Variants in CSMD1 observed in about 807,000 individuals in gnomAD.
CSMD1 encodes CUB and Sushi multiple domains 1, also known as CUB and sushi domain-containing protein 1.
A neutral mutation model predicts 417.5 loss-of-function variants in CSMD1; 213 were observed. That is an observed-to-expected ratio of 0.51 (90% CI 0.46 to 0.57). CSMD1 has a LOEUF of 0.57. CSMD1 is among the 20% of genes least tolerant of loss of function. CSMD1 has a pLI of 0.00. For synonymous variants in CSMD1, 2,862 were observed against 1,736.8 expected (o/e 1.65, Z -16.11); for missense variants, 6,923 against 4,529.7 (o/e 1.53, Z -15.17).
chr8:4,299,965 G>C (rs1585186369), intron 3 of CSMD1, among the ~76,000 whole-genome samples: 1 of 152,088 alleles, frequency 6.6e-6, no homozygotes, highest in Non-Finnish European at 1.5e-5. Context: ...ACTATTTGTT[G>C]ATAATAGCTA....
chr8:4,285,897 G>C (rs1027234980), intron 3 of CSMD1, among the ~76,000 whole-genome samples: 2 of 152,098 alleles, frequency 1.3e-5, no homozygotes, highest in African/African-American at 2.4e-5. Flanking sequence ...TAATCCAACT[G>C]AAGTATTTTA....
intron 3 of CSMD1, among the ~76,000 whole-genome samples, chr8:4,172,617 A>T (rs924493287): frequency 2.0e-4 from 31 of 152,086 alleles, no homozygotes; most frequent in African/African-American, 7.5e-4. Flanking sequence ...CATGGAACCC[A>T]CCCTCCTGGT....
intron 12 of CSMD1, among the ~76,000 whole-genome samples, chr8:3,435,260 T>C (rs1006313348): frequency 6.6e-6 from 1 of 152,156 alleles, no homozygotes; most frequent in Non-Finnish European, 1.5e-5. Flanking sequence ...ACAGTTAATA[T>C]GTGTTTTCAC....
At chr8:4,203,385 A>T (rs1261662046) in intron 3 of CSMD1, among the ~76,000 whole-genome samples, 1 of 152,260 alleles carries the variant, frequency 6.6e-6, no homozygotes, top group Admixed American at 6.5e-5. Context: ...ATGAGGTGAG[A>T]TCTTTGTGGT....
chr8:3,804,503 T>C (rs1800623464), intron 5 of CSMD1, among the ~76,000 whole-genome samples: 1 of 152,284 alleles, frequency 6.6e-6, no homozygotes, highest in African/African-American at 2.4e-5. Flanking sequence ...TTTATTAATT[T>C]TAATAGCTAT....
At chr8:4,690,728 G>C (rs575097673) in intron 1 of CSMD1, among the ~76,000 whole-genome samples, 37 of 152,102 alleles carry the variant, frequency 2.4e-4, no homozygotes, top group Non-Finnish European at 4.9e-4. Flanking sequence ...CTGAAATCTT[G>C]ATATTATTAT....
chr8:4,361,487 C>G (rs13270354), intron 3 of CSMD1, among the ~76,000 whole-genome samples: 1 of 151,822 alleles, frequency 6.6e-6, no homozygotes, highest in African/African-American at 2.4e-5. Context: ...TGCATTTCCA[C>G]TTTACAGATT....
At chr8:4,535,282 G>A (rs1463482665) in intron 2 of CSMD1, among the ~76,000 whole-genome samples, 1 of 152,010 alleles carries the variant, frequency 6.6e-6, no homozygotes, top group Non-Finnish European at 1.5e-5. Flanking sequence ...CAAAATCACA[G>A]GGGGAAGTCA....
chr8:4,962,319 T>TC (rs1809553649), intron 1 of CSMD1, among the ~76,000 whole-genome samples: 1 of 152,036 alleles, frequency 6.6e-6, no homozygotes, highest in Non-Finnish European at 1.5e-5. Flanking sequence ...CAAAAGAGCT[T>TC]CCCATCTTTG....
intron 4 of CSMD1, among the ~76,000 whole-genome samples, chr8:4,022,098 T>C (rs189472966): frequency 0.02 from 2,911 of 143,620 alleles, 51 homozygotes; most frequent in Non-Finnish European, 0.027. Context: ...CACACACACA[T>C]ATATATATGA....
Position 2,937,891 on chromosome 8 carries a change from T to C in CSMD1, c.*694A>G, listed in dbSNP as rs1585023572. ...GTATAAACCCTGTGTAAATAATTTA[T>C]TTTTTTTATCAGAATCTTAGTCATT... On this transcript the variant is annotated 3_prime_UTR_variant, in exon 70 of 70. Coordinates refer to ENST00000635120, the MANE Select transcript of CSMD1 (RefSeq NM_033225.6). 5 of 73,182 alleles carry C rather than the reference T, an allele frequency of 6.8e-5. No individual in the cohort carries two copies. The South Asian group carries it at 3.1e-3, about 45-fold the overall frequency. The allele number at this position is 73,182 out of a possible 1,614,324, so 4.5% of individuals were successfully genotyped here.
intron 5 of CSMD1, among the ~76,000 whole-genome samples, chr8:3,840,368 A>G (rs1290370223): frequency 1.3e-5 from 2 of 152,182 alleles, no homozygotes; most frequent in East Asian, 3.9e-4. Flanking sequence ...GTGCACAAAT[A>G]TGCTGAGGGA....
intron 11 of CSMD1, among the ~76,000 whole-genome samples, chr8:3,470,403 A>G (rs530940488): frequency 5.3e-5 from 8 of 152,336 alleles, no homozygotes; most frequent in South Asian, 2.1e-4. Context: ...AAAATAATAT[A>G]AAGAGATTAC....
chr8:4,690,058 A>T (rs1806668226), intron 1 of CSMD1, among the ~76,000 whole-genome samples: 2 of 152,242 alleles, frequency 1.3e-5, no homozygotes, highest in South Asian at 4.1e-4. Context: ...AGCATTGGTA[A>T]CATTATACGG....
At chr8:3,760,283 G>C (rs1257148291) in intron 5 of CSMD1, among the ~76,000 whole-genome samples, 7 of 152,054 alleles carry the variant, frequency 4.6e-5, no homozygotes, top group Admixed American at 3.9e-4. Flanking sequence ...TTTCCCCTAA[G>C]AATACCAAAT....
intron 37 of CSMD1, among the ~76,000 whole-genome samples, chr8:3,163,861 G>A (rs1053575812): frequency 6.6e-6 from 1 of 152,280 alleles, no homozygotes; most frequent in African/African-American, 2.4e-5. Context: ...GGCTCCTTGT[G>A]TCTGATATTA....
chr8:3,834,394 T>C (rs942977719), intron 5 of CSMD1, among the ~76,000 whole-genome samples: 2 of 152,062 alleles, frequency 1.3e-5, no homozygotes, highest in Non-Finnish European at 2.9e-5. Flanking sequence ...CAATTGTGCC[T>C]GCACAGTAAA....
intron 11 of CSMD1, 36 bp from the exon 12 acceptor site, chr8:3,468,860 G>C (rs376290454): frequency 4.9e-5 from 68 of 1,399,788 alleles, no homozygotes; most frequent in African/African-American, 1.3e-4. Flanking sequence ...TTTTAGGTAA[G>C]GCAACAAGTA....
chr8:3,421,917 CGTG>C (rs1813512719), intron 12 of CSMD1, among the ~76,000 whole-genome samples: 1 of 152,154 alleles, frequency 6.6e-6, no homozygotes, highest in African/African-American at 2.4e-5. Context: ...GGATTACAGG[CGTG>C]AGCCACGGCG....
Sources: gnomAD v4.1 joint callset for allele counts (sites outside exome capture counted in the v4.1 genomes callset) on GRCh38, gnomAD v4.1.1 for gene constraint, MANE v1.5 for transcripts, NCBI Gene and HGNC (gene_info 2026-07-23, HGNC 2026-07-21) for gene names.